The following NRP2 variants were observed in gnomAD, a reference collection of about 807,000 sequenced individuals.
NRP2 encodes the protein neuropilin 2, also known as neuropilin-2.
Under a neutral mutation model 110.4 loss-of-function variants are expected in NRP2, and 52 were observed. The ratio of observed to expected loss-of-function variants is 0.47; its 90% CI spans 0.38 to 0.59. The LOEUF (loss-of-function observed/expected upper bound fraction) is 0.59. Among genes scored for constraint, NRP2 ranks in the 20% least tolerant of loss-of-function variants. The pLI is 0.00. For missense variants in NRP2, 1,049 were observed against 1,203.0 expected (o/e 0.87, Z 1.89); for synonymous variants, 508 against 468.9 (o/e 1.08, Z -1.08).
chr2:205,743,327 G>T lies in NRP2; in HGVS notation c.1416G>T (p.Ser472=), dbSNP rs529980618. Reference sequence around the variant, plus strand: ...CAGCCCGCCTGGTTAGCAGCCGCTCGGGCTGGTTCCCTCGAATCCCTCAGG... The same window carrying T: ...CAGCCCGCCTGGTTAGCAGCCGCTCTGGCTGGTTCCCTCGAATCCCTCAGG... ...PSAARLVSSR[S]GWFPRIPQAQ... Residue 472 remains serine, a synonymous_variant, in exon 9 of 17, where the codon TCG becomes TCT. Coordinates refer to ENST00000357785, the MANE Select transcript of NRP2 (RefSeq NM_003872.3). 1.9e-6 allele frequency: 3 copies of T among 1,614,190 alleles called. No individual in the cohort carries two copies. Among genetic ancestry groups the T allele is most frequent in the South Asian group, 1.1e-5 (1 of 91,084 alleles).
intron 1 of NRP2, among the ~76,000 whole-genome samples, chr2:205,695,068 T>C (rs1421785408): frequency 6.6e-6 from 1 of 152,226 alleles, no homozygotes; most frequent in Non-Finnish European, 1.5e-5. Context: ...TGGGTGTGAA[T>C]GCAAGCCAAA....
chr2:205,768,686 G>C (rs2057968425), intron 15 of NRP2, among the ~76,000 whole-genome samples: 1 of 152,196 alleles, frequency 6.6e-6, no homozygotes, highest in Non-Finnish European at 1.5e-5. Flanking sequence ...ACAGGGCTTA[G>C]TAACTTGAAG....
chr2:205,697,547 C>A lies in NRP2; in HGVS notation c.77C>A (p.Pro26Gln). 6.2e-7 allele frequency: 1 copy of A among 1,613,794 alleles called. No individual in the cohort carries two copies. Among genetic ancestry groups the A allele is most frequent in the Non-Finnish European group, 8.5e-7 (1 of 1,179,824 alleles). ...GGGTCGTTGATTTCTCTTTCAGACC[C>A]ACCGTGCGGAGGTCGTTTGAATTCC... ...SRHQVRGQPD[P>Q]PCGGRLNSKD... Residue 26 changes from proline (P) to glutamine (Q), a missense_variant, in exon 2 of 17, where the codon CCA becomes CAA. Transcript: ENST00000357785.
chr2:205,769,422 C>T (rs1466497363), intron 15 of NRP2, among the ~76,000 whole-genome samples: 3 of 151,940 alleles, frequency 2.0e-5, no homozygotes, highest in Non-Finnish European at 2.9e-5. Flanking sequence ...CATTTTCCGC[C>T]TCTTACTGAT....
intron 15 of NRP2, among the ~76,000 whole-genome samples, chr2:205,775,882 T>A (rs2105945943): frequency 6.6e-6 from 1 of 152,294 alleles, no homozygotes; most frequent in South Asian, 2.1e-4. Flanking sequence ...AACACTTCCA[T>A]ATATTATAAA....
At chr2:205,733,255 G>A (rs991118039) in intron 7 of NRP2, among the ~76,000 whole-genome samples, 5 of 152,182 alleles carry the variant, frequency 3.3e-5, no homozygotes, top group Admixed American at 2.6e-4. Context: ...CAGCTCCCGT[G>A]GGTGCTGAAC....
At chr2:205,697,879 T>C in intron 2 of NRP2, 158 bp downstream of exon 2, 1 of 769,624 alleles carries the variant, frequency 1.3e-6, no homozygotes, top group Non-Finnish European at 2.3e-6. Context: ...GGGCATTCCC[T>C]TTCCAGGGAA....
At chr2:205,698,235 AT>A (rs1252344311) in intron 2 of NRP2, among the ~76,000 whole-genome samples, 6 of 150,970 alleles carry the variant, frequency 4.0e-5, no homozygotes, top group Non-Finnish European at 1.5e-5. Flanking sequence ...AAAAAAAAAA[AT>A]CTAAGTAGTT....
chr2:205,772,036 C>T (rs2058030746), intron 15 of NRP2, among the ~76,000 whole-genome samples: 1 of 152,236 alleles, frequency 6.6e-6, no homozygotes, highest in African/African-American at 2.4e-5. Context: ...CACTTGCTAG[C>T]AGTGTACAGT....
chr2:205,699,763 G>A (rs1041801132), intron 2 of NRP2, among the ~76,000 whole-genome samples: 5 of 152,138 alleles, frequency 3.3e-5, no homozygotes, highest in Admixed American at 3.3e-4. Context: ...TATCATCCTC[G>A]CTAAATCACT....
In NRP2 at chr2:205,763,443, A is replaced by C. The variant is rs985349903; in HGVS notation, c.2045-231A>C. On this transcript the variant is annotated intron_variant, in intron 12 of 16. Coordinates refer to ENST00000357785, the MANE Select transcript of NRP2 (RefSeq NM_003872.3). This position sits in a 1 kb window ranked among gnomAD's most constrained non-coding sequence, Gnocchi z 4.0. ...AGATGGAAAGGAAATGATACCGAGA[A>C]ATAGGCAGGAGGGACCGATTTGACT... Among the ~76,000 whole-genome samples, 1 of 152,148 alleles carries C rather than the reference A, an allele frequency of 6.6e-6. No homozygotes were observed. The highest frequency in any genetic ancestry group is 1.5e-5 in the Non-Finnish European group (1 of 68,034).
At chr2:205,694,931 T>C (rs1290084150) in intron 1 of NRP2, among the ~76,000 whole-genome samples, 1 of 152,252 alleles carries the variant, frequency 6.6e-6, no homozygotes, top group Admixed American at 6.5e-5. Context: ...TTTGTGGATA[T>C]ATGTTTGTGC....
At chr2:205,743,013 T>G (rs539121118) in intron 8 of NRP2, among the ~76,000 whole-genome samples, 190 bp from the exon 9 acceptor site, 2 of 152,350 alleles carry the variant, frequency 1.3e-5, no homozygotes, top group African/African-American at 2.4e-5. Flanking sequence ...AGAGTGAACA[T>G]GAACACAGGC....
intron 7 of NRP2, among the ~76,000 whole-genome samples, chr2:205,732,872 C>T (rs2057267138): frequency 6.6e-6 from 1 of 151,780 alleles, no homozygotes; most frequent in African/African-American, 2.4e-5. Flanking sequence ...TCAGGAAAAA[C>T]CTTTTTTTTA....
At chr2:205,703,900 C>G (rs1365828880) in intron 2 of NRP2, among the ~76,000 whole-genome samples, 2 of 152,176 alleles carry the variant, frequency 1.3e-5, no homozygotes, top group Non-Finnish European at 2.9e-5. Context: ...AACCCTTTTC[C>G]CGGTGAAGAG....
At chr2:205,696,050 C>T (rs1177485276) in intron 1 of NRP2, among the ~76,000 whole-genome samples, 1 of 152,172 alleles carries the variant, frequency 6.6e-6, no homozygotes, top group Non-Finnish European at 1.5e-5. Flanking sequence ...GGAAATGGAC[C>T]TGAATTCATT....
At chr2:205,734,794 A>G (rs761661161) in intron 7 of NRP2, among the ~76,000 whole-genome samples, 5 of 152,148 alleles carry the variant, frequency 3.3e-5, no homozygotes, top group Non-Finnish European at 7.3e-5. Flanking sequence ...TTTATTTTAA[A>G]AAAGAAGAGG....
chr2:205,711,674 G>T (rs577234515), intron 2 of NRP2, among the ~76,000 whole-genome samples: 1 of 152,224 alleles, frequency 6.6e-6, no homozygotes, highest in Non-Finnish European at 1.5e-5. Flanking sequence ...GACTTGGGCA[G>T]AGATGTTCTG....
chr2:205,749,785 C>A lies in NRP2; in HGVS notation c.1847C>A (p.Pro616His), dbSNP rs748310698. 4 of 1,614,176 alleles carry A rather than the reference C, an allele frequency of 2.5e-6. No individual in the cohort carries two copies. The highest frequency in any genetic ancestry group is 1.7e-5 in the Admixed American group (1 of 60,022). The change falls in exon 11 of 17, where the codon CCC (proline) becomes CAC (histidine). Residue 616 changes from proline to histidine, a missense_variant. Transcript: ENST00000357785. ...PTVKSEETTT[P>H]YPTEEEATEC... ...GTGAAGAGCGAAGAGACAACCACCC[C>A]CTACCCCACCGAAGAGGAGGCCACA...
Sources: gnomAD v4.1 joint callset for allele counts (sites outside exome capture counted in the v4.1 genomes callset) on GRCh38, gnomAD v4.1.1 for gene constraint, Gnocchi (gnomAD v3.1) non-coding constraint, MANE v1.5 for transcripts, NCBI Gene and HGNC (gene_info 2026-07-23, HGNC 2026-07-21) for gene names.